The following NTN4 variants were observed in gnomAD, a reference collection of about 807,000 sequenced individuals.
NTN4 encodes netrin 4, also known as netrin-4.
In NTN4, 32 loss-of-function variants were observed where a neutral mutation model predicts 73.6. That is an observed-to-expected ratio of 0.44 (90% CI 0.33 to 0.58). The LOEUF (loss-of-function observed/expected upper bound fraction) is 0.58. Among genes scored for constraint, NTN4 ranks in the 20% least tolerant of loss-of-function variants. The probability of loss-of-function intolerance (pLI) is 0.04; values close to 1 mark genes in which losing one functional copy is unlikely to be tolerated. For synonymous variants in NTN4, 258 were observed against 287.5 expected (o/e 0.90, Z 1.04); for missense variants, 654 against 798.3 (o/e 0.82, Z 2.18).
At chr12:95,669,549 G>A (rs183761799) in intron 8 of NTN4, among the ~76,000 whole-genome samples, 1 of 152,064 alleles carries the variant, frequency 6.6e-6, no homozygotes, top group East Asian at 1.9e-4. Context: ...GAGGAAGGTG[G>A]CATGATCCCT....
At chr12:95,735,103 CTCTTT>C (rs145955295) in intron 3 of NTN4, among the ~76,000 whole-genome samples, 34,449 of 152,038 alleles carry the variant, frequency 0.23, 4,872 homozygotes, top group South Asian at 0.34. Context: ...TTAATACAAG[CTCTTT>C]TCTAATTCAG....
At chr12:95,672,213 G>C (rs568838027) in intron 7 of NTN4, 2 of 580,192 alleles carry the variant, frequency 3.4e-6, no homozygotes, top group African/African-American at 1.9e-5. Flanking sequence ...TGCGGGGGGC[G>C]GGCGGGGGGA....
intron 7 of NTN4, among the ~76,000 whole-genome samples, chr12:95,676,870 G>T (rs1011061933): frequency 6.6e-6 from 1 of 152,196 alleles, no homozygotes; most frequent in African/African-American, 2.4e-5. Flanking sequence ...ATTAAGGACA[G>T]ATTGAGTAAA....
intron 5 of NTN4, among the ~76,000 whole-genome samples, chr12:95,706,346 A>G (rs2078521973): frequency 6.6e-6 from 1 of 152,214 alleles, no homozygotes; most frequent in African/African-American, 2.4e-5. Context: ...CAACTTTGCC[A>G]GTAAGTGTTT....
At chr12:95,759,642 A>G (rs1419427141) in intron 2 of NTN4, among the ~76,000 whole-genome samples, 1 of 151,888 alleles carries the variant, frequency 6.6e-6, no homozygotes, top group Non-Finnish European at 1.5e-5. Context: ...TGTGTATTTT[A>G]GTAAAGACGG....
intron 3 of NTN4, among the ~76,000 whole-genome samples, chr12:95,727,817 GT>G (rs1006993455): frequency 2.6e-5 from 4 of 152,138 alleles, no homozygotes; most frequent in Non-Finnish European, 5.9e-5. Flanking sequence ...GGTTCAGCTG[GT>G]CCATTTCTGC....
chr12:95,744,914 G>T (rs762647424), intron 2 of NTN4, among the ~76,000 whole-genome samples: 10 of 150,276 alleles, frequency 6.7e-5, no homozygotes, highest in Admixed American at 2.0e-4. Context: ...TTTTTTGCTG[G>T]GTATAGAATT....
intron 3 of NTN4, among the ~76,000 whole-genome samples, chr12:95,721,054 A>T (rs1175460033): frequency 6.6e-6 from 1 of 152,220 alleles, no homozygotes; most frequent in Non-Finnish European, 1.5e-5. Flanking sequence ...AGCTACCTGA[A>T]CTCCAGCAGT....
rs762872102 is a variant in NTN4, at chr12:95,710,588, C to T, written c.1033G>A (p.Val345Ile). The T allele has an allele frequency of 5.0e-5, 81 of 1,614,002 alleles. 2 individuals carry two copies. In the South Asian group the frequency reaches 6.6e-4, roughly 13 times the overall value. ...NGHADTCHFD[V>I]NVWEASGNRS... ...TTCCCTGATGCCTCCCACACATTAA[C>T]GTCGAAGTGACAGGTATCAGCATGC... The change falls in exon 5 of 10, where the codon GTT (valine) becomes ATT (isoleucine). Residue 345 changes from valine to isoleucine, a missense_variant. Val to Ile is a conservative substitution (Grantham distance 29). Coordinates refer to ENST00000343702, the MANE Select transcript of NTN4 (RefSeq NM_021229.4).
At chr12:95,784,612 C>CA (rs1239870936) in intron 2 of NTN4, among the ~76,000 whole-genome samples, 4 of 151,504 alleles carry the variant, frequency 2.6e-5, no homozygotes, top group African/African-American at 4.9e-5. Flanking sequence ...ACTAAAAATA[C>CA]AAAAAAAAGC....
chr12:95,758,692 A>G (rs2078963858), intron 2 of NTN4, among the ~76,000 whole-genome samples: 1 of 152,018 alleles, frequency 6.6e-6, no homozygotes, highest in African/African-American at 2.4e-5. Context: ...AGGCTCCTGA[A>G]TAACTGAGAC....
intron 2 of NTN4, among the ~76,000 whole-genome samples, chr12:95,785,396 C>T (rs544081054): frequency 4.6e-5 from 7 of 152,310 alleles, no homozygotes; most frequent in South Asian, 4.1e-4. Flanking sequence ...TCTTTCCTGT[C>T]GTGGTATCTT....
chr12:95,663,026 G>A lies in NTN4; in HGVS notation c.1750+2784C>T, dbSNP rs1198583057. On this transcript the variant is annotated intron_variant, in intron 9 of 9. Transcript: ENST00000343702. ...TCCTAGCTACTCAAGAGGCTGAGGC[G>A]GGAGGATTGCTTGAGCCTGGGAGGT... Among the ~76,000 whole-genome samples the A allele has an allele frequency of 2.9e-4, 44 of 152,008 alleles. 1 individual carries two copies. Among genetic ancestry groups the A allele is most frequent in the Admixed American group, 2.9e-3 (44 of 15,262 alleles).
intron 3 of NTN4, among the ~76,000 whole-genome samples, chr12:95,727,229 G>A (rs2078701899): frequency 6.6e-6 from 1 of 152,102 alleles, no homozygotes; most frequent in Non-Finnish European, 1.5e-5. Flanking sequence ...TCTTTGGGTG[G>A]CTCAAGACCA....
At chr12:95,715,597 T>C (rs1478050451) in intron 3 of NTN4, among the ~76,000 whole-genome samples, 1 of 152,094 alleles carries the variant, frequency 6.6e-6, no homozygotes, top group African/African-American at 2.4e-5. Context: ...CATTCACACA[T>C]CCAGGCAAGC....
chr12:95,725,656 T>C (rs764046442), intron 3 of NTN4, among the ~76,000 whole-genome samples: 74 of 152,302 alleles, frequency 4.9e-4, no homozygotes, highest in Non-Finnish European at 9.1e-4. Flanking sequence ...CTGATTGTAG[T>C]ACAAGAAGTC....
intron 8 of NTN4, among the ~76,000 whole-genome samples, chr12:95,668,938 A>C (rs1256029619): frequency 6.6e-6 from 1 of 152,256 alleles, no homozygotes; most frequent in African/African-American, 2.4e-5. Context: ...AGCCTGACCA[A>C]CATGGGATAA....
At chr12:95,705,207 TTGA>T (rs2078514117) in intron 5 of NTN4, among the ~76,000 whole-genome samples, 1 of 152,170 alleles carries the variant, frequency 6.6e-6, no homozygotes, top group South Asian at 2.1e-4. Flanking sequence ...TAATGTGGTC[TTGA>T]TGGAGTTTTC....
At chr12:95,717,701 T>C (rs1262057097) in intron 3 of NTN4, among the ~76,000 whole-genome samples, 1 of 148,438 alleles carries the variant, frequency 6.7e-6, no homozygotes, top group East Asian at 2.0e-4. Flanking sequence ...ACTTTAGTAA[T>C]AGGTTAAACA....
Sources: allele counts gnomAD v4.1 joint callset (sites outside exome capture counted in the v4.1 genomes callset), GRCh38; gene constraint gnomAD v4.1.1; transcripts MANE v1.5; gene names NCBI Gene and HGNC (gene_info 2026-07-23, HGNC 2026-07-21).